Variants in SLCO5A1 observed in about 807,000 individuals in gnomAD.
The protein encoded by SLCO5A1 is organic anion transporter polypeptide-related protein 4.
Under a neutral mutation model 65.1 loss-of-function variants are expected in SLCO5A1, and 39 were observed. The observed-to-expected ratio is 0.60, with a 90% CI of 0.46 to 0.78. The LOEUF (loss-of-function observed/expected upper bound fraction) is 0.78. SLCO5A1 is among the 30% of genes least tolerant of loss of function. The pLI is 0.00. For synonymous variants in SLCO5A1, 438 were observed against 415.7 expected (o/e 1.05, Z -0.65); for missense variants, 1,029 against 1,069.4 (o/e 0.96, Z 0.53).
chr8:69,825,648 G>A (rs1820851469), intron 2 of SLCO5A1, among the ~76,000 whole-genome samples: 1 of 152,100 alleles, frequency 6.6e-6, no homozygotes, highest in Non-Finnish European at 1.5e-5. Context: ...ACAAATGGAA[G>A]AACGTTCCAT....
intron 6 of SLCO5A1, among the ~76,000 whole-genome samples, chr8:69,690,046 C>A (rs556192865): frequency 7.2e-6 from 1 of 138,370 alleles, no homozygotes; most frequent in Non-Finnish European, 1.6e-5. Context: ...CGCCCCTTTG[C>A]GGGTACGGGG....
chr8:69,683,554 CACCAAGACTT>C (rs1246838671), intron 6 of SLCO5A1, among the ~76,000 whole-genome samples: 1 of 143,766 alleles, frequency 7.0e-6, no homozygotes, highest in Non-Finnish European at 1.5e-5. Flanking sequence ...CCTCCCTCGC[CACCAAGACTT>C]ATCTTTTTTT....
chr8:69,818,832 A>C (rs1240903554), intron 2 of SLCO5A1, among the ~76,000 whole-genome samples: 1 of 152,188 alleles, frequency 6.6e-6, no homozygotes, highest in Non-Finnish European at 1.5e-5. Context: ...CACAAAACTC[A>C]TGAGCATCCT....
intron 2 of SLCO5A1, among the ~76,000 whole-genome samples, chr8:69,803,587 T>A (rs1819856046): frequency 2.0e-5 from 3 of 152,160 alleles, no homozygotes; most frequent in Non-Finnish European, 1.5e-5. Flanking sequence ...TAGCATAGCG[T>A]CACTGGACCC....
At chr8:69,707,892 G>A (rs925489731) in intron 5 of SLCO5A1, among the ~76,000 whole-genome samples, 15 of 152,180 alleles carry the variant, frequency 9.9e-5, no homozygotes, top group South Asian at 2.1e-4. Context: ...TAGACTTGTT[G>A]ATTGTGAAGG....
At chr8:69,697,477 GCAAAT>G (rs927888161) in intron 6 of SLCO5A1, among the ~76,000 whole-genome samples, 23 of 152,196 alleles carry the variant, frequency 1.5e-4, no homozygotes, top group Admixed American at 5.9e-4. Context: ...CAAAAGCAAA[GCAAAT>G]CATTAAATGA....
intron 6 of SLCO5A1, among the ~76,000 whole-genome samples, chr8:69,682,919 C>T (rs2959590): frequency 0.38 from 58,289 of 151,980 alleles, 11,262 homozygotes; most frequent in South Asian, 0.55. Context: ...GATTAGGAAT[C>T]ACATTGCTAG....
At chr8:69,802,661 A>G (rs1175791557) in intron 2 of SLCO5A1, among the ~76,000 whole-genome samples, 6 of 152,098 alleles carry the variant, frequency 3.9e-5, no homozygotes, top group Non-Finnish European at 8.8e-5. Flanking sequence ...ACTCCCAGTA[A>G]GACCAGCCTC....
chr8:69,721,935 G>A (rs1815840681), intron 5 of SLCO5A1, among the ~76,000 whole-genome samples: 1 of 152,158 alleles, frequency 6.6e-6, no homozygotes, highest in Admixed American at 6.6e-5. Context: ...ACTTTGGGAG[G>A]CTGAGGCGGG....
At chr8:69,722,824 C>T (rs937569227) in intron 5 of SLCO5A1, among the ~76,000 whole-genome samples, 39 of 143,880 alleles carry the variant, frequency 2.7e-4, no homozygotes, top group South Asian at 1.8e-3. Context: ...TGTGTGTATG[C>T]GTGTACGTAT....
chr8:69,698,298 A>G (rs1274837637), intron 6 of SLCO5A1, among the ~76,000 whole-genome samples: 1 of 152,208 alleles, frequency 6.6e-6, no homozygotes, highest in African/African-American at 2.4e-5. Flanking sequence ...GCTATTGTGA[A>G]TAATACTGCA....
chr8:69,758,624 A>C (rs1586765420), intron 3 of SLCO5A1, among the ~76,000 whole-genome samples: 1 of 152,202 alleles, frequency 6.6e-6, no homozygotes, highest in Admixed American at 6.5e-5. Context: ...ACAGCAAATA[A>C]ACAAAAAAAT....
At position 69,832,352 on chromosome 8, in the gene SLCO5A1, A is replaced by G. The variant is rs762202324; in HGVS notation, c.322T>C (p.Ser108Pro). 5 of 1,613,108 alleles carry G rather than the reference A, an allele frequency of 3.1e-6. No individual in the cohort carries two copies. The Admixed American group carries it at 8.4e-5, about 27-fold the overall frequency. The stretch of plus-strand genomic sequence containing the variant: ...TCCTGGAGCATGGCCAAGGCGGAGG[A>G]CACCGAGAAGGTTTTGCTGAGGTCC... ...RVDLSKTFSV[S>P]SALAMLQERR... Residue 108 changes from serine to proline, a missense_variant, in exon 2 of 10, where the codon TCC becomes CCC. Ser to Pro is a moderately conservative substitution (Grantham distance 74). Coordinates refer to ENST00000260126, the MANE Select transcript of SLCO5A1 (RefSeq NM_030958.3). This position sits in a 1 kb window ranked among gnomAD's most constrained non-coding sequence, Gnocchi z 4.5.
At chr8:69,718,810 G>A (rs1815686630) in intron 5 of SLCO5A1, among the ~76,000 whole-genome samples, 1 of 152,064 alleles carries the variant, frequency 6.6e-6, no homozygotes, top group Non-Finnish European at 1.5e-5. Context: ...ATCTAACGTG[G>A]GAAACAGACA....
intron 9 of SLCO5A1, among the ~76,000 whole-genome samples, chr8:69,675,368 G>C (rs769664782): frequency 2.6e-5 from 4 of 151,616 alleles, no homozygotes; most frequent in Non-Finnish European, 5.9e-5. Context: ...GTAGAGATGG[G>C]GTTTCGTCAC....
At chr8:69,691,242 T>C (rs759879802) in intron 6 of SLCO5A1, among the ~76,000 whole-genome samples, 3 of 152,156 alleles carry the variant, frequency 2.0e-5, no homozygotes, top group Non-Finnish European at 4.4e-5. Flanking sequence ...TGTAATTATG[T>C]GAGTTGGAAA....
At chr8:69,673,500 T>C (rs1235539042) in intron 9 of SLCO5A1, among the ~76,000 whole-genome samples, 174 bp from the exon 10 acceptor site, 1 of 152,202 alleles carries the variant, frequency 6.6e-6, no homozygotes, top group African/African-American at 2.4e-5. Context: ...ATATTTATCA[T>C]AAAAGCATTC....
chr8:69,827,150 G>T (rs1234084569), intron 2 of SLCO5A1, among the ~76,000 whole-genome samples: 4 of 118,254 alleles, frequency 3.4e-5, no homozygotes, highest in African/African-American at 1.3e-4. Flanking sequence ...ACTGTTGTGG[G>T]GTGGGGGGAG....
At chr8:69,819,274 G>T (rs569630220) in intron 2 of SLCO5A1, among the ~76,000 whole-genome samples, 1 of 151,656 alleles carries the variant, frequency 6.6e-6, no homozygotes, top group Non-Finnish European at 1.5e-5. Context: ...AAGTATGCAC[G>T]CAGGGAGTGA....
Sources: allele counts gnomAD v4.1 joint callset (sites outside exome capture counted in the v4.1 genomes callset), GRCh38; gene constraint gnomAD v4.1.1; non-coding constraint Gnocchi (gnomAD v3.1); transcripts MANE v1.5; gene names NCBI Gene and HGNC (gene_info 2026-07-23, HGNC 2026-07-21).